The following AKR1D1 variants were observed in gnomAD, a reference collection of about 807,000 sequenced individuals.
AKR1D1 encodes delta(4)-3-ketosteroid 5-beta-reductase.
Under a neutral mutation model 42.6 loss-of-function variants are expected in AKR1D1, and 32 were observed. The observed-to-expected ratio is 0.75, with a 90% CI of 0.57 to 1.01. The LOEUF (loss-of-function observed/expected upper bound fraction) is 1.01, where lower values mean the gene tolerates loss of function less well. AKR1D1 is among the 50% of genes least tolerant of loss of function. The pLI is 0.00. For missense variants in AKR1D1, 364 were observed against 402.2 expected (o/e 0.91, Z 0.81); for synonymous variants, 123 against 135.5 (o/e 0.91, Z 0.64).
intron 1 of AKR1D1, among the ~76,000 whole-genome samples, chr7:138,083,701 C>A (rs138572010): frequency 6.6e-6 from 1 of 152,104 alleles, no homozygotes; most frequent in Non-Finnish European, 1.5e-5. Flanking sequence ...ATGTTTCCTT[C>A]TAGGAGCTTT....
intron 3 of AKR1D1, among the ~76,000 whole-genome samples, chr7:138,093,309 C>T (rs1794122014): frequency 6.6e-6 from 1 of 152,034 alleles, no homozygotes; most frequent in Admixed American, 6.6e-5. Flanking sequence ...CCTCATGATC[C>T]GCCCACCTCG....
At chr7:138,094,254 T>C (rs10264658) in intron 3 of AKR1D1, among the ~76,000 whole-genome samples, 118,583 of 152,132 alleles carry the variant, frequency 0.78, 46,714 homozygotes, top group African/African-American at 0.89. Flanking sequence ...GTGGCTCACA[T>C]CTGTAGTCCC....
At position 138,118,080 on chromosome 7, in the gene AKR1D1, T is replaced by TGTC. The variant is rs1222099628; in HGVS notation, c.*1419_*1421dup. ...CATTCACATTAGGTCACTGTCATAC[T>TGTC]GTCATAGGATGAGAGAGTTCTTCAA... On this transcript the variant is annotated 3_prime_UTR_variant, in exon 9 of 9. Coordinates refer to ENST00000242375, the MANE Select transcript of AKR1D1 (RefSeq NM_005989.4). 1 of 152,210 alleles carries TGTC rather than the reference T, an allele frequency of 6.6e-6. No individual in the cohort carries two copies. The highest frequency in any genetic ancestry group is 1.5e-5 in the Non-Finnish European group (1 of 68,036). The allele number at this position is 152,210 out of a possible 1,614,324, so 9.4% of individuals were successfully genotyped here.
At position 138,105,441 on chromosome 7, in the gene AKR1D1, T is replaced by C. The variant is rs1794403739; in HGVS notation, c.579+12T>C. 1 of 1,613,556 alleles carries C rather than the reference T, an allele frequency of 6.2e-7. No homozygotes were observed. The highest frequency in any genetic ancestry group is 8.5e-7 in the Non-Finnish European group (1 of 1,179,978). ...CAGTCAGCAACCAGGTACAGCCTAA[T>C]AGCTTCCACTAGGGTGTGGGGAGTG... On this transcript the variant is annotated intron_variant, in intron 5 of 8. Coordinates refer to ENST00000242375, the MANE Select transcript of AKR1D1 (RefSeq NM_005989.4).
rs1422251619 is a variant in AKR1D1 at position 138,105,390 on chromosome 7, G to C, written c.540G>C (p.Leu180=). Residue 180 remains leucine (L), a synonymous_variant, in exon 5 of 9, where the codon CTG becomes CTC. Coordinates refer to ENST00000242375, the MANE Select transcript of AKR1D1 (RefSeq NM_005989.4). ...NFNRRQLELI[L]NKPGLKHKPV... is the part of the protein sequence containing the mutation. ...ACCGCAGGCAGCTGGAGCTCATCCT[G>C]AACAAGCCAGGACTCAAACACAAGC... 1 of 1,613,986 alleles carries C rather than the reference G, an allele frequency of 6.2e-7. No homozygotes were observed.
At chr7:138,089,647 A>C (rs536399734) in intron 2 of AKR1D1, among the ~76,000 whole-genome samples, 1 of 152,326 alleles carries the variant, frequency 6.6e-6, no homozygotes, top group African/African-American at 2.4e-5. Context: ...TAAATTGTCC[A>C]AAAAGTACAG....
chr7:138,115,738 C>T (rs115078293), intron 8 of AKR1D1, among the ~76,000 whole-genome samples: 2,806 of 152,212 alleles, frequency 0.018, 92 homozygotes, highest in African/African-American at 0.063. Flanking sequence ...TTTTAATTTA[C>T]AGTACATGCA....
chr7:138,082,929 CAT>C (rs1803087703), intron 1 of AKR1D1, among the ~76,000 whole-genome samples: 1 of 152,100 alleles, frequency 6.6e-6, no homozygotes, highest in Admixed American at 6.6e-5. Context: ...AGGTTGTTTC[CAT>C]ATCTTAGCTA....
At chr7:138,096,246 A>G (rs1794181210) in intron 3 of AKR1D1, among the ~76,000 whole-genome samples, 1 of 152,072 alleles carries the variant, frequency 6.6e-6, no homozygotes, top group South Asian at 2.1e-4. Flanking sequence ...GAATGCTATC[A>G]TTCAGAAACA....
At chr7:138,084,818 G>A (rs944547347) in intron 1 of AKR1D1, among the ~76,000 whole-genome samples, 2 of 152,022 alleles carry the variant, frequency 1.3e-5, no homozygotes, top group Non-Finnish European at 2.9e-5. Context: ...AACACTTTGG[G>A]AGGCTGAGGC....
chr7:138,099,666 C>T (rs13243602), intron 4 of AKR1D1, among the ~76,000 whole-genome samples: 83,344 of 151,154 alleles, frequency 0.55, 23,369 homozygotes, highest in Middle Eastern at 0.62. Flanking sequence ...TTCCAATATC[C>T]ACACAACTGG....
intron 1 of AKR1D1, among the ~76,000 whole-genome samples, chr7:138,078,707 G>A (rs1802991276): frequency 6.6e-6 from 1 of 152,206 alleles, no homozygotes; most frequent in Admixed American, 6.5e-5. Context: ...AAATGATGAG[G>A]AAGTCTAATT....
chr7:138,097,158 C>T (rs920653291), intron 3 of AKR1D1, among the ~76,000 whole-genome samples: 2 of 152,160 alleles, frequency 1.3e-5, no homozygotes, highest in African/African-American at 4.8e-5. Flanking sequence ...GGCATGCTGG[C>T]TCTACTACTC....
At chr7:138,082,800 T>A (rs1475142029) in intron 1 of AKR1D1, among the ~76,000 whole-genome samples, 1 of 152,246 alleles carries the variant, frequency 6.6e-6, no homozygotes, top group Non-Finnish European at 1.5e-5. Context: ...CTTAGTATAA[T>A]GTTCTCCAGG....
intron 3 of AKR1D1, among the ~76,000 whole-genome samples, chr7:138,095,223 C>T (rs1447163051): frequency 6.6e-6 from 1 of 151,982 alleles, no homozygotes; most frequent in Non-Finnish European, 1.5e-5. Context: ...AGGCATAAGG[C>T]CATTCAGAAG....
chr7:138,076,911 G>A (rs1270430724), intron 1 of AKR1D1, among the ~76,000 whole-genome samples: 2 of 152,084 alleles, frequency 1.3e-5, no homozygotes, highest in African/African-American at 2.4e-5. Context: ...CATGAAATTC[G>A]TGTGTTTATG....
At position 138,105,308 on chromosome 7, in the gene AKR1D1, C is replaced by T. The variant is rs1224711771; in HGVS notation, c.458C>T (p.Ala153Val). 1.9e-6 allele frequency: 3 copies of T among 1,614,086 alleles called. No homozygotes were observed. The highest frequency in any genetic ancestry group is 2.5e-6 in the Non-Finnish European group (3 of 1,180,006). The change falls in exon 5 of 9, where the codon GCG becomes GTG. Residue 153 changes from alanine to valine, a missense_variant and splice_region_variant. By Grantham distance (64) the Ala-to-Val change is moderately conservative. Transcript: ENST00000242375. ...GACCTGTGGACATTTACTCTACAGG[C>T]GATGGAAGCTTGCAAAGACGCTGGC... is the stretch of plus-strand genomic sequence containing the variant. ...HKSNLCATWE[A>V]MEACKDAGLV...
rs1196650918 is a variant in AKR1D1 at position 138,091,707 on chromosome 7, G to T, written c.262-61G>T. The T allele has an allele frequency of 3.9e-6, 5 of 1,298,140 alleles. No homozygotes were observed. The African/African-American group carries it at 4.4e-5, about 11-fold the overall frequency. The allele number at this position is 1,298,140 out of a possible 1,614,324, so 80.4% of individuals were successfully genotyped here. ...TACGAGTGTTTTACAAAGAAAAAGG[G>T]GCTGCCTTATCGTAAAAAGCGTGTA... On this transcript the variant is annotated intron_variant, in intron 2 of 8. Transcript: ENST00000242375.
chr7:138,103,165 C>T (rs1794350380), intron 4 of AKR1D1, among the ~76,000 whole-genome samples: 1 of 152,076 alleles, frequency 6.6e-6, no homozygotes, highest in Admixed American at 6.5e-5. Flanking sequence ...CACATAAAGA[C>T]TCACACTGGA....
Sources: allele counts gnomAD v4.1 joint callset (sites outside exome capture counted in the v4.1 genomes callset), GRCh38; gene constraint gnomAD v4.1.1; transcripts MANE v1.5; gene names NCBI Gene and HGNC (gene_info 2026-07-23, HGNC 2026-07-21).